VPS13B: variants seen among roughly 807,000 people sequenced by gnomAD.
VPS13B encodes the protein vacuolar protein sorting 13 homolog B.
A neutral mutation model predicts 426.4 loss-of-function variants in VPS13B; 285 were observed. That is an observed-to-expected ratio of 0.67 (90% CI 0.61 to 0.74). VPS13B has a LOEUF of 0.74. Among genes scored for constraint, VPS13B ranks in the 30% least tolerant of loss-of-function variants. The pLI is 0.00. For synonymous variants in VPS13B, 1,676 were observed against 1,676.4 expected (o/e 1.00, Z 0.01); for missense variants, 4,537 against 4,782.6 (o/e 0.95, Z 1.51).
chr8:99,436,168 T>A (rs1817361679), intron 22 of VPS13B, among the ~76,000 whole-genome samples: 1 of 152,202 alleles, frequency 6.6e-6, no homozygotes, highest in Non-Finnish European at 1.5e-5. Flanking sequence ...TGGTCAGCAA[T>A]GTCAAATTCT....
chr8:99,823,564 C>G (rs1271835336), intron 50 of VPS13B, among the ~76,000 whole-genome samples: 2 of 152,034 alleles, frequency 1.3e-5, no homozygotes, highest in African/African-American at 4.8e-5. Flanking sequence ...GGTAAAATAA[C>G]CAGAAAACAA....
chr8:99,124,882 CAAA>C (rs34328080), intron 8 of VPS13B, among the ~76,000 whole-genome samples: 3 of 86,224 alleles, frequency 3.5e-5, no homozygotes, highest in Admixed American at 3.2e-4. Flanking sequence ...GACTCCGTCT[CAAA>C]AAAAAAAAAA....
intron 3 of VPS13B, among the ~76,000 whole-genome samples, chr8:99,069,553 T>C (rs1445367910): frequency 6.6e-6 from 1 of 152,268 alleles, no homozygotes; most frequent in East Asian, 1.9e-4. Flanking sequence ...TATGTGCACA[T>C]ACATTTTCTA....
At chr8:99,366,654 T>C (rs1367419889) in intron 19 of VPS13B, among the ~76,000 whole-genome samples, 1 of 151,946 alleles carries the variant, frequency 6.6e-6, no homozygotes, top group Non-Finnish European at 1.5e-5. Flanking sequence ...GTTTTCTCAA[T>C]TGTGGTCTTC....
chr8:99,152,123 T>A (rs1418769557), intron 14 of VPS13B, among the ~76,000 whole-genome samples: 1 of 152,204 alleles, frequency 6.6e-6, no homozygotes, highest in African/African-American at 2.4e-5. Context: ...TAGATTTTCC[T>A]TTTTTGTAAT....
At chr8:99,532,837 T>G (rs966454174) in intron 30 of VPS13B, among the ~76,000 whole-genome samples, 1 of 151,126 alleles carries the variant, frequency 6.6e-6, no homozygotes, top group Non-Finnish European at 1.5e-5. Flanking sequence ...ACACACTTCT[T>G]CAGCAGAAAT....
rs200492647 is a variant in VPS13B at position 99,365,498 on chromosome 8, TTTC to T, written c.2825-18692_2825-18690del. On this transcript the variant is annotated intron_variant, in intron 19 of 61. Transcript: ENST00000357162. ...TATTTGTTTCAAGAAATTTTCCAAT[TTTC>T]TTCTTCTTCTTCTTCTTTTTTTTTT... is the stretch of plus-strand genomic sequence containing the variant. Among the ~76,000 whole-genome samples the T allele has an allele frequency of 1.7e-4, 21 of 125,760 alleles. No homozygotes were observed. In the East Asian group the frequency reaches 4.2e-3, roughly 25 times the overall value. The allele number at this position is 125,760 out of a possible 152,430, so 82.5% of individuals were successfully genotyped here. A position where few individuals can be genotyped will look rare whatever the true frequency, so the allele number is the denominator to read the frequency against.
intron 19 of VPS13B, among the ~76,000 whole-genome samples, chr8:99,287,169 G>C (rs531338781): frequency 3.5e-4 from 53 of 152,170 alleles, no homozygotes; most frequent in African/African-American, 1.3e-3. Context: ...TTGAGTATCT[G>C]TTGTAGATTA....
intron 36 of VPS13B, among the ~76,000 whole-genome samples, chr8:99,704,080 G>C (rs1250679403): frequency 2.0e-5 from 3 of 152,070 alleles, no homozygotes; most frequent in South Asian, 4.2e-4. Flanking sequence ...ATAAGGACTT[G>C]GGTGACTTTT....
intron 17 of VPS13B, among the ~76,000 whole-genome samples, chr8:99,254,252 G>C (rs535968605): frequency 2.0e-5 from 3 of 151,792 alleles, no homozygotes; most frequent in African/African-American, 7.2e-5. Context: ...GTTTGTTTTA[G>C]TTTCCCTTCA....
intron 31 of VPS13B, among the ~76,000 whole-genome samples, chr8:99,570,620 A>G (rs1252829373): frequency 6.6e-6 from 1 of 151,716 alleles, no homozygotes; most frequent in East Asian, 1.9e-4. Flanking sequence ...CAAAATTTTT[A>G]TTGTAATTTA....
chr8:99,720,761 T>C, intron 38 of VPS13B, 102 bp from the exon 39 acceptor site: 1 of 1,246,140 alleles, frequency 8.0e-7, no homozygotes, highest in South Asian at 1.3e-5. Context: ...ACCAACTAGC[T>C]TCTTTATATC....
chr8:99,821,103 AACACACACACACACACAC>A (rs755074579), intron 49 of VPS13B, among the ~76,000 whole-genome samples, 173 bp from the exon 50 acceptor site: 185 of 78,358 alleles, frequency 2.4e-3, no homozygotes, highest in East Asian at 0.016. Flanking sequence ...GTCATTACAA[AACACACACACACACACAC>A]ACACACACAC....
intron 21 of VPS13B, among the ~76,000 whole-genome samples, chr8:99,423,104 C>T (rs3103706): frequency 0.17 from 26,469 of 151,814 alleles, 2,830 homozygotes; most frequent in East Asian, 0.38. Context: ...TCTTTCCTCT[C>T]GTCTTCTCTC....
At chr8:99,327,881 A>C (rs1053229262) in intron 19 of VPS13B, among the ~76,000 whole-genome samples, 5 of 152,152 alleles carry the variant, frequency 3.3e-5, no homozygotes, top group African/African-American at 1.2e-4. Context: ...TTATAATGTA[A>C]CAGAATATTC....
intron 55 of VPS13B, among the ~76,000 whole-genome samples, chr8:99,851,323 A>G (rs1172037592): frequency 1.3e-5 from 2 of 152,206 alleles, no homozygotes; most frequent in Non-Finnish European, 2.9e-5. Context: ...AAAAGGCCCA[A>G]TCCCTTCCCT....
chr8:99,569,430 T>C (rs546447235), intron 31 of VPS13B, among the ~76,000 whole-genome samples: 6 of 151,286 alleles, frequency 4.0e-5, no homozygotes, highest in Non-Finnish European at 5.9e-5. Context: ...GGGAGACCCT[T>C]TCTCATACAC....
intron 19 of VPS13B, among the ~76,000 whole-genome samples, chr8:99,276,459 A>T (rs1436635140): frequency 6.6e-6 from 1 of 152,134 alleles, no homozygotes; most frequent in Non-Finnish European, 1.5e-5. Flanking sequence ...TAAGACAGGG[A>T]TTGGTAAATA....
At chr8:99,264,873 T>C (rs936557837) in intron 17 of VPS13B, among the ~76,000 whole-genome samples, 3 of 152,150 alleles carry the variant, frequency 2.0e-5, no homozygotes, top group African/African-American at 7.2e-5. Flanking sequence ...TTTTTAGATA[T>C]TGGATTGCTT....
Sources: allele counts gnomAD v4.1 joint callset (sites outside exome capture counted in the v4.1 genomes callset), GRCh38; gene constraint gnomAD v4.1.1; transcripts MANE v1.5; gene names NCBI Gene and HGNC (gene_info 2026-07-23, HGNC 2026-07-21).